The following PSMD7 variants were observed in gnomAD, a reference collection of about 807,000 sequenced individuals.
PSMD7 encodes 26S proteasome non-ATPase regulatory subunit 7.
PSMD7 carries 13 observed loss-of-function variants against 36.4 expected under a neutral mutation model. The observed-to-expected ratio is 0.36, with a 90% confidence interval of 0.23 to 0.57. The LOEUF is 0.57. PSMD7 is among the 20% of genes least tolerant of loss of function. The pLI is 0.83. For missense variants in PSMD7, 298 were observed against 393.6 expected, an observed-to-expected ratio of 0.76 and a Z score of 2.06; for synonymous variants, 186 against 151.0, an observed-to-expected ratio of 1.23 and a Z score of -1.70.
At chr16:74,305,099 T>C in intron 6 of PSMD7, 190 bp from the exon 7 acceptor site, 1 of 727,968 alleles carries the variant, frequency 1.4e-6, no homozygotes, top group South Asian at 2.6e-5. Flanking sequence ...AAAGATAAAA[T>C]GTGTTCCAAA....
In PSMD7 at chr16:74,296,978, C is replaced by A. The variant is rs367911415; in HGVS notation, c.64C>A (p.His22Asn). The change falls in exon 1 of 7, where the codon CAT (histidine) becomes AAT (asparagine). Residue 22 changes from histidine to asparagine, a missense_variant. Physicochemically the swap from His to Asn is moderately conservative, Grantham distance 68. Coordinates refer to ENST00000219313, the MANE Select transcript of PSMD7 (RefSeq NM_002811.5). ...CCTGGTGCTGCTCAGTGTGGTGGAT[C>A]ATTTCAACCGGTGAGCGAGCGCCCT... ...HPLVLLSVVD[H>N]FNRIGKVGNQ... is the part of the protein sequence containing the mutation. 1.2e-6 allele frequency: 2 copies of A among 1,612,466 alleles called. No homozygotes were observed. Among genetic ancestry groups the A allele is most frequent in the African/African-American group, 2.7e-5 (2 of 75,062 alleles).
At chr16:74,299,653 C>T (rs1025329396) in intron 1 of PSMD7, 9 of 429,592 alleles carry the variant, frequency 2.1e-5, no homozygotes, top group East Asian at 1.5e-4. Flanking sequence ...CTCAGCCTCT[C>T]GAAGTGCTGG....
chr16:74,301,812 A>C (rs2034157352), intron 4 of PSMD7, among the ~76,000 whole-genome samples, 160 bp downstream of exon 4: 1 of 152,136 alleles, frequency 6.6e-6, no homozygotes, highest in Admixed American at 6.5e-5. Flanking sequence ...CTGTGACCTA[A>C]TATATTTGAT....
intron 6 of PSMD7, chr16:74,304,795 C>T (rs532474691): frequency 6.0e-6 from 1 of 167,906 alleles, no homozygotes; most frequent in South Asian, 1.7e-4. Context: ...AATCCTATAT[C>T]TATTATAATC....
At chr16:74,304,193 T>C (rs1284868232) in intron 5 of PSMD7, 110 bp from the exon 6 acceptor site, 13 of 899,738 alleles carry the variant, frequency 1.4e-5, no homozygotes, top group Non-Finnish European at 2.2e-5. Flanking sequence ...TTCTCAGTCA[T>C]GCACTCATTA....
rs148106479 is a variant in PSMD7 at position 74,298,188 on chromosome 16, G to T, written c.74+1200G>T. On this transcript the variant is annotated intron_variant, in intron 1 of 6. Transcript: ENST00000219313. ...AAAAAAAAAAAAAAGACCAGTTGGA[G>T]ATTTGAACCTTAATGAATAAGGTAA... is the stretch of plus-strand genomic sequence containing the variant. Among the ~76,000 whole-genome samples, 9 of 150,574 alleles carry T rather than the reference G, an allele frequency of 6.0e-5. No homozygotes were observed. In the East Asian group the frequency reaches 1.8e-3, roughly 30 times the overall value.
chr16:74,304,615 C>G (rs2034181271), intron 6 of PSMD7: 1 of 435,200 alleles, frequency 2.3e-6, no homozygotes, highest in Admixed American at 3.8e-5. Flanking sequence ...TCTTGAGTTA[C>G]AATTTATGAC....
chr16:74,298,129 G>T (rs967952158), intron 1 of PSMD7, among the ~76,000 whole-genome samples: 6 of 138,748 alleles, frequency 4.3e-5, no homozygotes, highest in Non-Finnish European at 9.0e-5. Flanking sequence ...CTGCACTCCA[G>T]CCTGGGTGAG....
At position 74,305,449 on chromosome 16, in the gene PSMD7, C is replaced by G; in HGVS notation, c.691C>G (p.Gln231Glu). The change falls in exon 7 of 7, where the codon CAG (glutamine) becomes GAG (glutamate). Residue 231 changes from glutamine (Q) to glutamate (E), a missense_variant. Coordinates refer to ENST00000219313, the MANE Select transcript of PSMD7 (RefSeq NM_002811.5). ...PINHQIIYQL[Q>E]DVFNLLPDVS... is the part of the protein sequence containing the mutation. ...CAACCACCAGATCATCTACCAGCTG[C>G]AGGACGTCTTCAACCTGCTGCCAGA... The G allele has an allele frequency of 6.2e-7, 1 of 1,614,180 alleles. No homozygotes were observed. Among genetic ancestry groups the G allele is most frequent in the Non-Finnish European group, 8.5e-7 (1 of 1,180,028 alleles).
At chr16:74,299,394 T>G (rs916190563) in intron 1 of PSMD7, among the ~76,000 whole-genome samples, 1 of 152,202 alleles carries the variant, frequency 6.6e-6, no homozygotes, top group Non-Finnish European at 1.5e-5. Flanking sequence ...ATTCATTTAT[T>G]TTGAGACAGG....
At position 74,302,299 on chromosome 16, in the gene PSMD7, C is replaced by G; in HGVS notation, c.438+7C>G. ...AGTGGAAGAAGTCCATGATGTAAGTCATCTTGCTATGAACCTGGGAGGTTA... is the reference window on the plus strand; with the variant it reads ...AGTGGAAGAAGTCCATGATGTAAGTGATCTTGCTATGAACCTGGGAGGTTA... On this transcript the variant is annotated splice_region_variant and intron_variant, in intron 5 of 6. Transcript: ENST00000219313. 1 of 1,611,888 alleles carries G rather than the reference C, an allele frequency of 6.2e-7. No individual in the cohort carries two copies. The highest frequency in any genetic ancestry group is 8.5e-7 in the Non-Finnish European group (1 of 1,178,540).
chr16:74,297,109 A>C lies in PSMD7; in HGVS notation c.74+121A>C, dbSNP rs543073481. 3.8e-6 allele frequency: 4 copies of C among 1,065,140 alleles called. No homozygotes were observed. The African/African-American group carries it at 6.3e-5, about 17-fold the overall frequency. The allele number at this position is 1,065,140 out of a possible 1,614,324, so 66.0% of individuals were successfully genotyped here. A position where few individuals can be genotyped will look rare whatever the true frequency, so the allele number is the denominator to read the frequency against. Reference sequence around the variant, plus strand: ...GCAGATAGGGCGGCTGGTGACCCTTACTTGTTCACGAGTCCAGACCAGCGT... The same window carrying C: ...GCAGATAGGGCGGCTGGTGACCCTTCCTTGTTCACGAGTCCAGACCAGCGT... On this transcript the variant is annotated intron_variant, in intron 1 of 6. Transcript: ENST00000219313.
chr16:74,305,845 A>T lies in PSMD7; in HGVS notation c.*112A>T. The T allele has an allele frequency of 8.1e-7, 1 of 1,233,614 alleles. No homozygotes were observed. Among genetic ancestry groups the T allele is most frequent in the South Asian group, 2.3e-5 (1 of 42,698 alleles). The allele number at this position is 1,233,614 out of a possible 1,614,324, so 76.4% of individuals were successfully genotyped here. A position where few individuals can be genotyped will look rare whatever the true frequency, so the allele number is the denominator to read the frequency against. On this transcript the variant is annotated 3_prime_UTR_variant, in exon 7 of 7. Transcript: ENST00000219313. ...ACATGCTTATTAGAAAGCTGACCCA[A>T]CAAGAGCTCTCTGCCTCCGGTCACT...
intron 2 of PSMD7, 111 bp from the exon 3 acceptor site, chr16:74,300,940 TG>T: frequency 1.8e-6 from 1 of 551,298 alleles, no homozygotes; most frequent in South Asian, 3.2e-5. Context: ...AATACTTTGC[TG>T]GGCAAGTGAA....
At chr16:74,300,382 CTTGCA>C in intron 2 of PSMD7, 176 bp downstream of exon 2, 1 of 626,158 alleles carries the variant, frequency 1.6e-6, no homozygotes, top group Non-Finnish European at 2.8e-6. Flanking sequence ...ATATTTTAAA[CTTGCA>C]GGCCATGTGG....
At position 74,305,598 on chromosome 16, in the gene PSMD7, T is replaced by A. The variant is rs1234232782; in HGVS notation, c.840T>A (p.Ile280=). The change falls in exon 7 of 7, where the codon ATT becomes ATA. Residue 280 remains isoleucine (I), a synonymous_variant. Coordinates refer to ENST00000219313, the MANE Select transcript of PSMD7 (RefSeq NM_002811.5). ...TGCACAACCTCATCAACAACAAGAT[T>A]GCCAACCGGGATGCAGAGAAGAAAG... The part of the protein sequence containing the change: ...VALHNLINNK[I]ANRDAEKKEG... The A allele has an allele frequency of 5.6e-6, 9 of 1,600,696 alleles. 1 individual carries two copies. The highest frequency in any genetic ancestry group is 3.3e-4 in the Middle Eastern group (2 of 6,014).
rs1190744570 is a variant in PSMD7 at position 74,301,154 on chromosome 16, G to T, written c.259+10G>T. ...TTTAAGAAAGTCAATGGTATGTCTT[G>T]ATGTTCTAAGGTGTTACAGCATAGA... On this transcript the variant is annotated intron_variant, in intron 3 of 6. Transcript: ENST00000219313. The T allele has an allele frequency of 1.3e-6, 2 of 1,572,944 alleles. No individual in the cohort carries two copies. Among genetic ancestry groups the T allele is most frequent in the African/African-American group, 1.3e-5 (1 of 74,324 alleles).
rs2034194802 is a variant in PSMD7, at chr16:74,306,063, C to T, written c.*330C>T. 1 of 188,202 alleles carries T rather than the reference C, an allele frequency of 5.3e-6. No individual in the cohort carries two copies. 11.7% of individuals were successfully genotyped at this position (188,202 alleles called of 1,614,324 possible). A position where few individuals can be genotyped will look rare whatever the true frequency, so the allele number is the denominator to read the frequency against. On this transcript the variant is annotated 3_prime_UTR_variant, in exon 7 of 7. Coordinates refer to ENST00000219313, the MANE Select transcript of PSMD7 (RefSeq NM_002811.5). Reference sequence around the variant, plus strand: ...AAACCAGGAGTTGAATTTTCCTCATCTTGAAAGACTCTTGGGGTCTGTTTC... The same window carrying T: ...AAACCAGGAGTTGAATTTTCCTCATTTTGAAAGACTCTTGGGGTCTGTTTC...
At position 74,301,140 on chromosome 16, in the gene PSMD7, C is replaced by G. The variant is rs138324633; in HGVS notation, c.255C>G (p.Val85=). The G allele has an allele frequency of 1.8e-4, 284 of 1,597,910 alleles. 1 individual carries two copies. The Middle Eastern group carries it at 4.5e-3, about 25-fold the overall frequency. ...LENMYGMFKK[V]NARERIVGWY... Reference sequence around the variant, plus strand: ...ACATGTATGGAATGTTTAAGAAAGTCAATGGTATGTCTTGATGTTCTAAGG... The same window carrying G: ...ACATGTATGGAATGTTTAAGAAAGTGAATGGTATGTCTTGATGTTCTAAGG... Residue 85 remains valine, a synonymous_variant, in exon 3 of 7, where the codon GTC becomes GTG. Coordinates refer to ENST00000219313, the MANE Select transcript of PSMD7 (RefSeq NM_002811.5).
Sources: allele counts gnomAD v4.1 joint callset (sites outside exome capture counted in the v4.1 genomes callset), GRCh38; gene constraint gnomAD v4.1.1; transcripts MANE v1.5; gene names NCBI Gene and HGNC (gene_info 2026-07-23, HGNC 2026-07-21).